The following ZNG1E variants were observed in gnomAD, a reference collection of about 807,000 sequenced individuals.
The protein encoded by ZNG1E is zinc-regulated GTPase metalloprotein activator 1E.
chr9:65,666,304 C>T, the ZNG1E span, among the ~76,000 whole-genome samples: 1 of 150,056 alleles, frequency 6.7e-6, no homozygotes, highest in South Asian at 2.2e-4. Context: ...GTGAATAAGT[C>T]TCATGAGATC....
At chr9:65,672,517 G>T in the ZNG1E span, among the ~76,000 whole-genome samples, 2 of 151,442 alleles carry the variant, frequency 1.3e-5, no homozygotes, top group African/African-American at 4.9e-5. Context: ...AGGCTAAGGT[G>T]GATGGATCAG....
the ZNG1E span, among the ~76,000 whole-genome samples, chr9:65,689,889 C>T: frequency 1.4e-5 from 2 of 146,814 alleles, no homozygotes; most frequent in African/African-American, 2.5e-5. Flanking sequence ...GAGACTGACA[C>T]TCTCCAGTTC....
At chr9:65,680,230 T>C in the ZNG1E span, among the ~76,000 whole-genome samples, 1 of 152,196 alleles carries the variant, frequency 6.6e-6, no homozygotes, top group African/African-American at 2.4e-5. Context: ...ACTATTTTTT[T>C]CAGTTGTAAA....
chr9:65,717,953 A>G, the ZNG1E span, among the ~76,000 whole-genome samples: 1 of 146,004 alleles, frequency 6.8e-6, no homozygotes, highest in Non-Finnish European at 1.5e-5. Flanking sequence ...TCCCAAAGTA[A>G]TGGGATTATA....
the ZNG1E span, among the ~76,000 whole-genome samples, chr9:65,727,371 G>A: frequency 2.1e-5 from 3 of 145,590 alleles, 1 homozygote; most frequent in African/African-American, 5.4e-5. Flanking sequence ...GCAACAAATA[G>A]CATGATGAAT....
At chr9:65,662,995 A>G in the ZNG1E span, among the ~76,000 whole-genome samples, 1 of 152,246 alleles carries the variant, frequency 6.6e-6, no homozygotes, top group African/African-American at 2.4e-5. Flanking sequence ...CTGCTCATTT[A>G]AGATAGTGAA....
At chr9:65,673,883 T>A in the ZNG1E span, among the ~76,000 whole-genome samples, 6 of 152,298 alleles carry the variant, frequency 3.9e-5, no homozygotes, top group African/African-American at 1.4e-4. Context: ...CTTTTAAAAA[T>A]ATGTCAAAGA....
the ZNG1E span, chr9:65,679,554 T>C: frequency 3.6e-6 from 2 of 553,008 alleles, no homozygotes; most frequent in African/African-American, 3.9e-5. Flanking sequence ...GTTTATTTTT[T>C]ATTTTATTTT....
At chr9:65,710,128 G>GT in the ZNG1E span, among the ~76,000 whole-genome samples, 6 of 146,188 alleles carry the variant, frequency 4.1e-5, no homozygotes, top group African/African-American at 1.6e-4. Flanking sequence ...TTTTTCATGT[G>GT]TTTTTTGGCT....
the ZNG1E span, chr9:65,719,449 G>A: frequency 1.5e-5 from 2 of 131,266 alleles, no homozygotes; most frequent in Non-Finnish European, 3.1e-5. Context: ...GTTGTAATTT[G>A]TTATGCCATG....
chr9:65,709,356 T>C, the ZNG1E span, among the ~76,000 whole-genome samples: 2 of 151,242 alleles, frequency 1.3e-5, no homozygotes, highest in Admixed American at 6.6e-5. Context: ...AATTTATTTA[T>C]TTATTATTAT....
chr9:65,690,707 T>C, the ZNG1E span: 2 of 502,098 alleles, frequency 4.0e-6, no homozygotes, highest in Non-Finnish European at 7.0e-6. Flanking sequence ...GAATGATGTT[T>C]TGTTTATATG....
the ZNG1E span, among the ~76,000 whole-genome samples, chr9:65,662,269 C>CT: frequency 6.6e-6 from 1 of 152,182 alleles, no homozygotes; most frequent in African/African-American, 2.4e-5. Flanking sequence ...TGTCAAGGTC[C>CT]TGGAAGACAA....
the ZNG1E span, among the ~76,000 whole-genome samples, chr9:65,668,162 T>C: frequency 1.3e-4 from 20 of 151,824 alleles, no homozygotes; most frequent in Middle Eastern, 3.4e-3. Context: ...TCTATCTTTC[T>C]GTTATAATTT....
chr9:65,678,095 G>GTTT, the ZNG1E span, among the ~76,000 whole-genome samples: 19 of 141,682 alleles, frequency 1.3e-4, no homozygotes, highest in Admixed American at 6.4e-4. Context: ...GTCTTAAAGT[G>GTTT]TTTTTTTTTT....
the ZNG1E span, among the ~76,000 whole-genome samples, chr9:65,663,962 CAT>C: frequency 5.1e-4 from 76 of 148,220 alleles, no homozygotes; most frequent in Non-Finnish European, 7.2e-4. Flanking sequence ...TATCAGCATA[CAT>C]ATATATATAT....
the ZNG1E span, among the ~76,000 whole-genome samples, chr9:65,717,549 A>G: frequency 6.7e-5 from 10 of 149,742 alleles, 1 homozygote; most frequent in East Asian, 1.9e-4. Flanking sequence ...GATCCCTTTC[A>G]TCCTCCGTGT....
At chr9:65,691,184 G>A in the ZNG1E span, among the ~76,000 whole-genome samples, 1 of 151,194 alleles carries the variant, frequency 6.6e-6, no homozygotes, top group South Asian at 2.1e-4. Context: ...CTGGGTTCAA[G>A]TGATTCTCCT....
the ZNG1E span, among the ~76,000 whole-genome samples, chr9:65,686,699 T>C: frequency 6.6e-6 from 1 of 152,268 alleles, no homozygotes; most frequent in Non-Finnish European, 1.5e-5. Flanking sequence ...TCACGAATGA[T>C]GTTAGCTACA....
Sources: allele counts gnomAD v4.1 joint callset (sites outside exome capture counted in the v4.1 genomes callset), GRCh38; gene constraint gnomAD v4.1.1; transcripts MANE v1.5; gene names NCBI Gene and HGNC (gene_info 2026-07-23, HGNC 2026-07-21).